The following GJC1 variants were observed in gnomAD, a reference collection of about 807,000 sequenced individuals.
GJC1 encodes gap junction protein gamma 1.
A neutral mutation model predicts 29.3 loss-of-function variants in GJC1; 5 were observed. The ratio of observed to expected loss-of-function variants is 0.17; its 90% CI spans 0.09 to 0.36. The LOEUF is 0.36. Ranked by LOEUF, GJC1 falls within the 10% of genes least tolerant of loss-of-function variation. GJC1 has a pLI of 1.00. For missense variants in GJC1, 310 were observed against 496.2 expected (o/e 0.62, Z 3.56); for synonymous variants, 177 against 183.3 (o/e 0.97, Z 0.28).
chr17:44,812,348 A>G (rs567002119), intron 1 of GJC1, among the ~76,000 whole-genome samples: 22 of 152,216 alleles, frequency 1.4e-4, no homozygotes, highest in African/African-American at 5.3e-4. Flanking sequence ...AACAAAACAA[A>G]ACAAAAAACC....
intron 1 of GJC1, among the ~76,000 whole-genome samples, chr17:44,812,773 G>C (rs2005731): frequency 6.6e-6 from 1 of 151,396 alleles, no homozygotes; most frequent in Non-Finnish European, 1.5e-5. Flanking sequence ...TCAGCCTCCC[G>C]AATAGCTGGG....
intron 1 of GJC1, among the ~76,000 whole-genome samples, chr17:44,824,065 C>A (rs1046399563): frequency 2.0e-5 from 3 of 148,388 alleles, no homozygotes; most frequent in Non-Finnish European, 4.5e-5. Context: ...TGGAGTGCAG[C>A]GGCACAATCT....
intron 1 of GJC1, chr17:44,807,748 A>G (rs545525496): frequency 6.6e-6 from 1 of 152,344 alleles, no homozygotes; most frequent in East Asian, 1.9e-4. Context: ...GAAGCAGATG[A>G]ACTCTGGCAC....
chr17:44,826,270 C>G (rs1359762484), intron 1 of GJC1, among the ~76,000 whole-genome samples: 1 of 152,098 alleles, frequency 6.6e-6, no homozygotes, highest in African/African-American at 2.4e-5. Flanking sequence ...CGGTGGCTCA[C>G]GACTGTAACC....
Position 44,812,334 on chromosome 17 carries a change from TCAAAA to T in GJC1, c.-96-4870_-96-4866del, listed in dbSNP as rs892396018. Among the ~76,000 whole-genome samples, 42 of 151,958 alleles carry T rather than the reference TCAAAA, an allele frequency of 2.8e-4. No individual in the cohort carries two copies. The East Asian group carries it at 6.8e-3, about 25-fold the overall frequency. On this transcript the variant is annotated intron_variant, in intron 1 of 2. Coordinates refer to ENST00000592524, the MANE Select transcript of GJC1 (RefSeq NM_005497.4). ...GCAAGACTCTGTCTCAAAAATCAAA[TCAAAA>T]CAAAACAAAACAAAAAACCCATAAC...
chr17:44,821,697 CAAAAAAAAAAAAAAAAAAA>C (rs61303163), intron 1 of GJC1, among the ~76,000 whole-genome samples: 11 of 58,356 alleles, frequency 1.9e-4, no homozygotes, highest in Admixed American at 7.0e-4. Context: ...AACTCCGTCT[CAAAAAAAAAAAAAAAAAAA>C]AAAAAAAAAC....
chr17:44,819,916 G>A (rs1432882757), intron 1 of GJC1, among the ~76,000 whole-genome samples: 1 of 151,850 alleles, frequency 6.6e-6, no homozygotes, highest in Non-Finnish European at 1.5e-5. Context: ...GTAGTGCAGT[G>A]GCATGATCTC....
chr17:44,797,859 G>A (rs144841979), downstream of GJC1: 1 of 152,298 alleles, frequency 6.6e-6, no homozygotes, highest in East Asian at 1.9e-4. Flanking sequence ...TACCAAATAT[G>A]GTTGGCTGAC....
rs528262131 is a variant in GJC1 at position 44,824,168 on chromosome 17, C to T, written c.-97+5894G>A. On this transcript the variant is annotated intron_variant, in intron 1 of 2. Coordinates refer to ENST00000592524, the MANE Select transcript of GJC1 (RefSeq NM_005497.4). ...GATTACAGGCGCGCGCCACCATGCC[C>T]GGCTAATTTTTTGTATTTTAGTAGA... Among the ~76,000 whole-genome samples the T allele has an allele frequency of 1.7e-4, 26 of 151,350 alleles. No individual in the cohort carries two copies. The East Asian group carries it at 3.9e-3, about 23-fold the overall frequency.
intron 1 of GJC1, among the ~76,000 whole-genome samples, chr17:44,826,403 G>A (rs1597763528): frequency 6.6e-6 from 1 of 151,976 alleles, no homozygotes; most frequent in Non-Finnish European, 1.5e-5. Flanking sequence ...GGTGGTGGAC[G>A]CCTGTAGTCC....
chr17:44,806,594 G>A (rs1255998748), intron 2 of GJC1, among the ~76,000 whole-genome samples: 1 of 151,614 alleles, frequency 6.6e-6, no homozygotes, highest in Non-Finnish European at 1.5e-5. Flanking sequence ...TCACCATGTT[G>A]GCCAGGCTGG....
downstream of GJC1, among the ~76,000 whole-genome samples, chr17:44,797,258 A>C (rs939432481): frequency 6.6e-6 from 1 of 151,980 alleles, no homozygotes; most frequent in Non-Finnish European, 1.5e-5. Flanking sequence ...GGTGCCCGCC[A>C]CCATGGCCGG....
rs748790819 is a variant in GJC1 at position 44,804,617 on chromosome 17, C to A, written c.*10G>T. 4 of 1,586,670 alleles carry A rather than the reference C, an allele frequency of 2.5e-6. No individual in the cohort carries two copies. In the Admixed American group the frequency reaches 6.8e-5, roughly 27 times the overall value. On this transcript the variant is annotated 3_prime_UTR_variant, in exon 3 of 3. Transcript: ENST00000592524. ...AACTATGAAAAGCACAGGTTTTAAG[C>A]CCGCCAGGATTAAATCCAGACGGAG...
At chr17:44,819,002 A>ACC (rs142119207) in intron 1 of GJC1, among the ~76,000 whole-genome samples, 55 of 150,630 alleles carry the variant, frequency 3.7e-4, no homozygotes, top group South Asian at 1.5e-3. Context: ...AGCACTAAAA[A>ACC]CCCCCCTCAT....
At chr17:44,822,196 CAAAAAAAA>C (rs59152296) in intron 1 of GJC1, among the ~76,000 whole-genome samples, 1 of 47,564 alleles carries the variant, frequency 2.1e-5, no homozygotes, top group Admixed American at 3.1e-4. Context: ...GACTCCGTCT[CAAAAAAAA>C]AAAAAAAAAA....
intron 2 of GJC1, among the ~76,000 whole-genome samples, chr17:44,806,053 T>G (rs2049909590): frequency 6.6e-6 from 1 of 151,968 alleles, no homozygotes; most frequent in Admixed American, 6.6e-5. Flanking sequence ...GCGGGCAGAT[T>G]AGTTGAGGTC....
rs951636566 is a variant in GJC1 at position 44,801,956 on chromosome 17, C to G, written c.*2671G>C. Reference sequence around the variant, plus strand: ...TGTCATTAGGGGAGAATGACTTTGGCAAACTCATATGCTTCAAAGGCAGAA... The same window carrying G: ...TGTCATTAGGGGAGAATGACTTTGGGAAACTCATATGCTTCAAAGGCAGAA... On this transcript the variant is annotated 3_prime_UTR_variant, in exon 3 of 3. Transcript: ENST00000592524. The G allele has an allele frequency of 1.3e-5, 2 of 152,068 alleles. No individual in the cohort carries two copies. Among genetic ancestry groups the G allele is most frequent in the African/African-American group, 4.8e-5 (2 of 41,384 alleles). The allele number at this position is 152,068 out of a possible 1,614,324, so 9.4% of individuals were successfully genotyped here.
At position 44,802,274 on chromosome 17, in the gene GJC1, T is replaced by A. The variant is rs888357222; in HGVS notation, c.*2353A>T. 4 of 152,138 alleles carry A rather than the reference T, an allele frequency of 2.6e-5. No individual in the cohort carries two copies. The highest frequency in any genetic ancestry group is 4.8e-5 in the African/African-American group (2 of 41,424). 9.4% of individuals were successfully genotyped at this position (152,138 alleles called of 1,614,324 possible). On this transcript the variant is annotated 3_prime_UTR_variant, in exon 3 of 3. Transcript: ENST00000592524. Reference sequence around the variant, plus strand: ...ATTTCTGCTTGACTCCTTCCCCCTGTATCATTCTCAAATCCCCAGCCTTTC... The same window carrying A: ...ATTTCTGCTTGACTCCTTCCCCCTGAATCATTCTCAAATCCCCAGCCTTTC...
upstream of GJC1, chr17:44,830,833 C>G: frequency 2.5e-6 from 1 of 397,030 alleles, no homozygotes; most frequent in Non-Finnish European, 4.4e-6. This position sits in a 1 kb window ranked among gnomAD's most constrained non-coding sequence, Gnocchi z 4.3. Flanking sequence ...TTTTCAGGTC[C>G]TGAACTTCTC....
Sources: allele counts gnomAD v4.1 joint callset (sites outside exome capture counted in the v4.1 genomes callset), GRCh38; gene constraint gnomAD v4.1.1; non-coding constraint Gnocchi (gnomAD v3.1); transcripts MANE v1.5; gene names NCBI Gene and HGNC (gene_info 2026-07-23, HGNC 2026-07-21).